The following CLASP1 variants were observed in gnomAD, a reference collection of about 807,000 sequenced individuals.
The protein encoded by CLASP1 is CLIP-associating protein 1.
In CLASP1, 38 loss-of-function variants were observed where a neutral mutation model predicts 192.3. The observed-to-expected ratio is 0.20, with a 90% CI of 0.15 to 0.26. The LOEUF is 0.26. CLASP1 is among the 10% of genes least tolerant of loss of function. The pLI is 1.00. For missense variants in CLASP1, 1,433 were observed against 1,932.5 expected (o/e 0.74, Z 4.85); for synonymous variants, 691 against 712.8 (o/e 0.97, Z 0.49).
chr2:121,547,377 C>T (rs1017100505), intron 2 of CLASP1, among the ~76,000 whole-genome samples: 3 of 152,066 alleles, frequency 2.0e-5, no homozygotes, highest in African/African-American at 7.2e-5. Context: ...TAGTCCGTCT[C>T]CCAAGGGCCC....
At chr2:121,581,520 C>T (rs906747739) in intron 2 of CLASP1, among the ~76,000 whole-genome samples, 1 of 151,888 alleles carries the variant, frequency 6.6e-6, no homozygotes, top group East Asian at 1.9e-4. Flanking sequence ...ATGATCCACC[C>T]GCCTCGGCCT....
chr2:121,509,620 A>C (rs1384827058), intron 7 of CLASP1, among the ~76,000 whole-genome samples: 2 of 152,196 alleles, frequency 1.3e-5, no homozygotes, highest in Non-Finnish European at 2.9e-5. Context: ...GGTGGAACAC[A>C]CGAGGGCAGA....
At chr2:121,416,148 A>G (rs994929967) in intron 23 of CLASP1, among the ~76,000 whole-genome samples, 19 of 152,180 alleles carry the variant, frequency 1.2e-4, no homozygotes, top group African/African-American at 4.6e-4. Context: ...GTGGTCCTTT[A>G]GTTCAGTTTC....
chr2:121,508,630 T>A (rs1053196101), intron 7 of CLASP1, among the ~76,000 whole-genome samples: 2 of 152,206 alleles, frequency 1.3e-5, no homozygotes, highest in East Asian at 3.9e-4. Context: ...ATTTTTTTTA[T>A]AAAAGATGGG....
intron 11 of CLASP1, 83 bp from the exon 12 acceptor site, chr2:121,460,208 A>G (rs575966727): frequency 7.1e-6 from 8 of 1,134,622 alleles, no homozygotes; most frequent in Non-Finnish European, 9.9e-6. Flanking sequence ...TCAAATACAA[A>G]AGAGATCATT....
At chr2:121,403,452 A>G (rs2076435781) in intron 26 of CLASP1, 1 of 456,680 alleles carries the variant, frequency 2.2e-6, no homozygotes, top group Non-Finnish European at 4.4e-6. Context: ...GATGATGACT[A>G]ACTGGCTGGG....
chr2:121,348,426 A>G, intron 38 of CLASP1, 86 bp downstream of exon 39: 2 of 1,231,548 alleles, frequency 1.6e-6, no homozygotes, highest in Non-Finnish European at 2.3e-6. Context: ...CCTGCCAGTG[A>G]AGGAGGAGCA....
chr2:121,628,229 C>T (rs1180755171), intron 1 of CLASP1, among the ~76,000 whole-genome samples: 1 of 152,220 alleles, frequency 6.6e-6, no homozygotes, highest in Non-Finnish European at 1.5e-5. Context: ...GGTTGTACTA[C>T]ATACAGCAGC....
intron 37 of CLASP1, among the ~76,000 whole-genome samples, chr2:121,353,332 C>T (rs2064846855): frequency 6.6e-6 from 1 of 152,150 alleles, no homozygotes; most frequent in Non-Finnish European, 1.5e-5. Flanking sequence ...TCCACAGAGG[C>T]CCAGTCATCA....
chr2:121,404,033 T>C (rs1379794881), intron 26 of CLASP1, among the ~76,000 whole-genome samples: 1 of 152,200 alleles, frequency 6.6e-6, no homozygotes, highest in Non-Finnish European at 1.5e-5. Flanking sequence ...AAAAAATGCA[T>C]GATATTATAA....
intron 1 of CLASP1, among the ~76,000 whole-genome samples, chr2:121,641,344 A>C (rs1432250036): frequency 1.3e-5 from 2 of 152,084 alleles, no homozygotes; most frequent in Admixed American, 6.6e-5. Flanking sequence ...AAAAAAAAAA[A>C]AAAACAGGTA....
chr2:121,431,153 G>C (rs2081332084), intron 19 of CLASP1, among the ~76,000 whole-genome samples: 1 of 152,078 alleles, frequency 6.6e-6, no homozygotes, highest in East Asian at 1.9e-4. Flanking sequence ...AATGCAGGAA[G>C]CAAATCCTAA....
At chr2:121,407,657 T>C (rs955271452) in exon 25 of CLASP1, 1 of 1,614,020 alleles carries the variant, frequency 6.2e-7, no homozygotes, top group African/African-American at 1.3e-5. Context: ...GGCATCACTG[T>C]TGGCATCATC....
intron 32 of CLASP1, among the ~76,000 whole-genome samples, chr2:121,382,549 C>G (rs888188371): frequency 6.6e-6 from 1 of 152,114 alleles, no homozygotes; most frequent in African/African-American, 2.4e-5. Context: ...CCCTCCCAAA[C>G]GTGGAATGTG....
chr2:121,445,375 A>G, intron 19 of CLASP1: 1 of 896,074 alleles, frequency 1.1e-6, no homozygotes, highest in Non-Finnish European at 1.6e-6. Flanking sequence ...CCAAGTAAGA[A>G]GCTCAGAGAA....
At chr2:121,500,184 T>C (rs2093686527) in intron 8 of CLASP1, among the ~76,000 whole-genome samples, 1 of 151,692 alleles carries the variant, frequency 6.6e-6, no homozygotes, top group Non-Finnish European at 1.5e-5. Flanking sequence ...TGAATGGATC[T>C]AGAGAAAACT....
intron 1 of CLASP1, among the ~76,000 whole-genome samples, chr2:121,619,109 T>C (rs1283611169): frequency 1.3e-5 from 2 of 152,198 alleles, no homozygotes; most frequent in African/African-American, 2.4e-5. Context: ...AATGATTAAC[T>C]ACAATGTAAT....
intron 2 of CLASP1, among the ~76,000 whole-genome samples, chr2:121,590,402 A>G (rs76471105): frequency 1.4e-4 from 21 of 152,360 alleles, no homozygotes; most frequent in African/African-American, 4.3e-4. Context: ...GAAAGCTACA[A>G]ATGTATAGAA....
chr2:121,586,275 C>T (rs572582601), intron 2 of CLASP1, among the ~76,000 whole-genome samples: 9 of 152,180 alleles, frequency 5.9e-5, no homozygotes, highest in Admixed American at 3.3e-4. Context: ...TCCAGGCACA[C>T]GCCACCACGC....
Sources: gnomAD v4.1 joint callset for allele counts (sites outside exome capture counted in the v4.1 genomes callset) on GRCh38, gnomAD v4.1.1 for gene constraint, MANE v1.5 for transcripts, NCBI Gene and HGNC (gene_info 2026-07-23, HGNC 2026-07-21) for gene names.